CC2D2B: variants seen among roughly 807,000 people sequenced by gnomAD.
CC2D2B encodes protein CC2D2B.
A neutral mutation model predicts 161.2 loss-of-function variants in CC2D2B; 128 were observed. The observed-to-expected ratio is 0.79, with a 90% CI of 0.69 to 0.92. The LOEUF is 0.92. Among genes scored for constraint, CC2D2B ranks in the 40% least tolerant of loss-of-function variants. The pLI, the probability that CC2D2B is intolerant of heterozygous loss-of-function variation, is 0.00. For missense variants in CC2D2B, 1,173 were observed against 1,375.1 expected, an observed-to-expected ratio of 0.85 and a Z score of 2.32; for synonymous variants, 391 against 449.8, an observed-to-expected ratio of 0.87 and a Z score of 1.65.
intron 10 of CC2D2B, chr10:95,952,362 C>A (rs2027200): frequency 0.6 from 90,457 of 151,946 alleles, 27,544 homozygotes; most frequent in African/African-American, 0.67. Flanking sequence ...ATACGTTCTC[C>A]CTGGAAAAGA....
chr10:95,938,872 C>CACATT lies in CC2D2B; in HGVS notation c.748_749insACATT (p.Leu250HisfsTer3), dbSNP rs945500278. The stretch of plus-strand genomic sequence containing the variant: ...TATTAAACAGTCATGGAATTTCAGA[C>CACATT]TAAATGTAAGGAAGGAACCTTTAAA... On this transcript the variant is annotated frameshift_variant, in exon 9 of 35. Coordinates refer to ENST00000646931, the MANE Select transcript of CC2D2B (RefSeq NM_001349008.3). LOFTEE classifies it high-confidence loss of function. 5 of 714,820 alleles carry CACATT rather than the reference C, an allele frequency of 7.0e-6. No individual in the cohort carries two copies. The highest frequency in any genetic ancestry group is 5.2e-5 in the African/African-American group (3 of 57,182). 44.3% of individuals were successfully genotyped at this position (714,820 alleles called of 1,614,324 possible).
chr10:95,968,014 C>T (rs1489559472), intron 14 of CC2D2B, among the ~76,000 whole-genome samples: 1 of 152,164 alleles, frequency 6.6e-6, no homozygotes, highest in African/African-American at 2.4e-5. Context: ...ATTCAATAAA[C>T]ATTGGTTGAG....
rs2079030437 is a variant in CC2D2B at position 96,012,369 on chromosome 10, T to G, written c.3228+2T>G. 1 of 679,962 alleles carries G rather than the reference T, an allele frequency of 1.5e-6. No individual in the cohort carries two copies. The highest frequency in any genetic ancestry group is 2.7e-6 in the Non-Finnish European group (1 of 375,682). The allele number at this position is 679,962 out of a possible 1,614,324, so 42.1% of individuals were successfully genotyped here. A position where few individuals can be genotyped will look rare whatever the true frequency, so the allele number is the denominator to read the frequency against. Reference sequence around the variant, plus strand: ...ACCTGTAATCCAACACTAGATAAGGTAGGTTTTACATTGAATTTCTTTTAT... The same window carrying G: ...ACCTGTAATCCAACACTAGATAAGGGAGGTTTTACATTGAATTTCTTTTAT... On this transcript the variant is annotated splice_donor_variant, in intron 27 of 34. Transcript: ENST00000646931. LOFTEE classifies it high-confidence loss of function.
intron 16 of CC2D2B, 148 bp from the exon 17 acceptor site, chr10:95,973,861 C>CAAAAA (rs576579109): frequency 1.6e-3 from 374 of 233,816 alleles, no homozygotes; most frequent in Middle Eastern, 5.4e-3. Flanking sequence ...AACTCTGTCT[C>CAAAAA]AAAAAAAAAA....
intron 11 of CC2D2B, among the ~76,000 whole-genome samples, chr10:95,957,983 A>G (rs2076631256): frequency 6.6e-6 from 1 of 152,004 alleles, no homozygotes; most frequent in African/African-American, 2.4e-5. Flanking sequence ...CAACAAAAAA[A>G]CACAAAGGTG....
rs2077059116 is a variant in CC2D2B at position 95,969,786 on chromosome 10, C to A, written c.1644+885C>A. Reference sequence around the variant, plus strand: ...AAAAAAAAAGAACTATACTTTCTTACTGTTGTCCCTAAAGTAAATTGTGAT... The same window carrying A: ...AAAAAAAAAGAACTATACTTTCTTAATGTTGTCCCTAAAGTAAATTGTGAT... On this transcript the variant is annotated intron_variant, in intron 15 of 34. Coordinates refer to ENST00000646931, the MANE Select transcript of CC2D2B (RefSeq NM_001349008.3). Among the ~76,000 whole-genome samples, 3 of 151,962 alleles carry A rather than the reference C, an allele frequency of 2.0e-5. No homozygotes were observed. The South Asian group carries it at 6.2e-4, about 32-fold the overall frequency.
At chr10:95,941,253 G>A (rs1401837321) in intron 9 of CC2D2B, among the ~76,000 whole-genome samples, 1 of 152,110 alleles carries the variant, frequency 6.6e-6, no homozygotes, top group East Asian at 1.9e-4. Flanking sequence ...ATGAGAACGT[G>A]GAGGAAAGCC....
intron 5 of CC2D2B, among the ~76,000 whole-genome samples, chr10:95,926,815 AGTGTGTGTGTGTGTGT>A (rs71486778): frequency 7.4e-6 from 1 of 134,946 alleles, no homozygotes; most frequent in African/African-American, 2.7e-5. Context: ...CTGAGGTGGC[AGTGTGTGTGTGTGTGT>A]GTGTGTGTGT....
chr10:95,972,209 A>G lies in CC2D2B; in HGVS notation c.1788A>G (p.Val596=). ...DKLVMPADGE[V]GSNVPFLLEG... Reference sequence around the variant, plus strand: ...TGGTCATGCCTGCCGATGGAGAAGTAGGAAGCAGTGAGTTTATTAAAAATA... The same window carrying G: ...TGGTCATGCCTGCCGATGGAGAAGTGGGAAGCAGTGAGTTTATTAAAAATA... The change falls in exon 16 of 35, where the codon GTA becomes GTG. Residue 596 remains valine, a synonymous_variant. Coordinates refer to ENST00000646931, the MANE Select transcript of CC2D2B (RefSeq NM_001349008.3). The G allele has an allele frequency of 8.1e-7, 1 of 1,232,010 alleles. No individual in the cohort carries two copies. Among genetic ancestry groups the G allele is most frequent in the Non-Finnish European group, 1.0e-6 (1 of 987,836 alleles). 76.3% of individuals were successfully genotyped at this position (1,232,010 alleles called of 1,614,324 possible). A position where few individuals can be genotyped will look rare whatever the true frequency, so the allele number is the denominator to read the frequency against.
At chr10:95,938,519 A>G in intron 7 of CC2D2B, 50 bp from the exon 8 acceptor site, 4 of 647,728 alleles carry the variant, frequency 6.2e-6, no homozygotes, top group Non-Finnish European at 1.1e-5. Context: ...GTCAATATCC[A>G]TTTAATATTT....
In CC2D2B at chr10:95,988,311, A is replaced by G; in HGVS notation, c.2348A>G (p.Gln783Arg). The change falls in exon 20 of 35, where the codon CAA becomes CGA. Residue 783 changes from glutamine to arginine, a missense_variant. Physicochemically the swap from Gln to Arg is conservative, Grantham distance 43. Around this residue, in one of 3 missense-constraint regions of CC2D2B, gnomAD observed 277 missense variants for 420.6 expected, o/e 0.66. Coordinates refer to ENST00000646931, the MANE Select transcript of CC2D2B (RefSeq NM_001349008.3). ...SVSDVNSITAQRINSANFLKK... is the reference protein window; with the variant it reads ...SVSDVNSITARRINSANFLKK... ...TCAGATGTAAATTCTATTACAGCAC[A>G]AAGGATTAATTCTGCCAATTTTCTG... 1 of 1,228,084 alleles carries G rather than the reference A, an allele frequency of 8.1e-7. No individual in the cohort carries two copies. The highest frequency in any genetic ancestry group is 1.0e-6 in the Non-Finnish European group (1 of 982,618). 76.1% of individuals were successfully genotyped at this position (1,228,084 alleles called of 1,614,324 possible). A position where few individuals can be genotyped will look rare whatever the true frequency, so the allele number is the denominator to read the frequency against.
At chr10:96,031,188 TAGAG>T (rs1382109818) in intron 34 of CC2D2B, among the ~76,000 whole-genome samples, 3 of 152,122 alleles carry the variant, frequency 2.0e-5, no homozygotes, top group Non-Finnish European at 4.4e-5. Context: ...ATGGGTTAGT[TAGAG>T]AGAGACCAGA....
intron 1 of CC2D2B, among the ~76,000 whole-genome samples, chr10:95,911,047 A>G (rs2098505512): frequency 6.6e-6 from 1 of 152,114 alleles, no homozygotes; most frequent in South Asian, 2.1e-4. Context: ...ATCTACAAAC[A>G]ATGATAATTT....
At chr10:96,014,272 G>C (rs567020859) in intron 29 of CC2D2B, among the ~76,000 whole-genome samples, 1 of 152,252 alleles carries the variant, frequency 6.6e-6, no homozygotes, top group South Asian at 2.1e-4. Flanking sequence ...CTCTTCCTTA[G>C]CACTTAGATT....
At chr10:95,977,186 A>G (rs560392369) in intron 17 of CC2D2B, among the ~76,000 whole-genome samples, 11 of 152,188 alleles carry the variant, frequency 7.2e-5, no homozygotes, top group Non-Finnish European at 1.3e-4. Flanking sequence ...CCTGGCCAAC[A>G]TGGTGGAGTG....
chr10:95,956,122 T>C (rs2141378752), intron 11 of CC2D2B, among the ~76,000 whole-genome samples: 1 of 152,306 alleles, frequency 6.6e-6, no homozygotes, highest in East Asian at 1.9e-4. Context: ...AGATTTAGAA[T>C]TTAACTTAAA....
intron 24 of CC2D2B, among the ~76,000 whole-genome samples, chr10:95,998,579 A>C (rs1275082747): frequency 6.6e-6 from 1 of 152,038 alleles, no homozygotes; most frequent in Non-Finnish European, 1.5e-5. Context: ...TATTTTAAGG[A>C]ATTGGATCAC....
At chr10:96,022,164 A>G (rs2079492797) in intron 32 of CC2D2B, among the ~76,000 whole-genome samples, 1 of 152,134 alleles carries the variant, frequency 6.6e-6, no homozygotes, top group Non-Finnish European at 1.5e-5. Context: ...CTGAAAATAC[A>G]AAAAAATTTA....
intron 6 of CC2D2B, among the ~76,000 whole-genome samples, chr10:95,930,055 T>C (rs2098547137): frequency 1.3e-5 from 2 of 152,236 alleles, no homozygotes; most frequent in Admixed American, 6.5e-5. Context: ...TTTGTTTGTG[T>C]CCTCTTTTAT....
Sources: allele counts gnomAD v4.1 joint callset (sites outside exome capture counted in the v4.1 genomes callset), GRCh38; gene constraint gnomAD v4.1.1; regional missense constraint gnomAD v4.1.1; transcripts MANE v1.5; gene names NCBI Gene and HGNC (gene_info 2026-07-23, HGNC 2026-07-21).